Variants in TMPRSS15 observed in about 807,000 individuals in gnomAD.
The protein encoded by TMPRSS15 is enteropeptidase.
Under a neutral mutation model 125.3 loss-of-function variants are expected in TMPRSS15, and 128 were observed. The ratio of observed to expected loss-of-function variants is 1.02; its 90% CI spans 0.89 to 1.18. The LOEUF (loss-of-function observed/expected upper bound fraction) is 1.18. TMPRSS15 is among the 50% of genes most tolerant of loss of function. The pLI is 0.00. For synonymous variants in TMPRSS15, 446 were observed against 423.2 expected (o/e 1.05, Z -0.66); for missense variants, 1,283 against 1,212.7 (o/e 1.06, Z -0.86).
At chr21:18,348,036 A>G (rs980841565) in intron 10 of TMPRSS15, among the ~76,000 whole-genome samples, 2 of 152,116 alleles carry the variant, frequency 1.3e-5, no homozygotes, top group Admixed American at 6.6e-5. Flanking sequence ...ATTTAAAAAA[A>G]TTGCTGGGTG....
intron 1 of TMPRSS15, among the ~76,000 whole-genome samples, chr21:18,435,412 T>G (rs1012842130): frequency 3.9e-5 from 6 of 152,226 alleles, no homozygotes; most frequent in Non-Finnish European, 8.8e-5. Context: ...TCTTTGGTTC[T>G]GTTTATATGC....
intron 1 of TMPRSS15, chr21:18,460,483 C>T (rs1357703186): frequency 3.3e-5 from 5 of 152,134 alleles, no homozygotes; most frequent in African/African-American, 1.2e-4. Context: ...TTTATCTGTA[C>T]TGTGCAGTAA....
chr21:18,417,974 A>ACAAATGT (rs1265295854), intron 1 of TMPRSS15, among the ~76,000 whole-genome samples: 4 of 152,224 alleles, frequency 2.6e-5, no homozygotes, highest in African/African-American at 9.6e-5. Context: ...ATTTGTTCAA[A>ACAAATGT]AAAATGTAAA....
intron 21 of TMPRSS15, among the ~76,000 whole-genome samples, chr21:18,283,386 C>T (rs1446611944): frequency 6.6e-6 from 1 of 151,968 alleles, no homozygotes; most frequent in Non-Finnish European, 1.5e-5. Context: ...TCAACATTTA[C>T]CTCACACATT....
At chr21:18,456,171 G>A (rs151144657) in intron 1 of TMPRSS15, among the ~76,000 whole-genome samples, 14 of 152,162 alleles carry the variant, frequency 9.2e-5, no homozygotes, top group Middle Eastern at 6.8e-3. Context: ...ATTTTAAGGT[G>A]CCCACAAGGC....
At chr21:18,309,274 T>C (rs2075069353) in intron 18 of TMPRSS15, among the ~76,000 whole-genome samples, 1 of 152,124 alleles carries the variant, frequency 6.6e-6, no homozygotes, top group South Asian at 2.1e-4. Flanking sequence ...GATTAAAGAC[T>C]TAAACGTAAG....
intron 18 of TMPRSS15, among the ~76,000 whole-genome samples, chr21:18,306,668 G>GT (rs201107724): frequency 2.6e-5 from 4 of 151,676 alleles, no homozygotes; most frequent in Non-Finnish European, 4.4e-5. Context: ...CAGAAATGAT[G>GT]TTTTTTTCTA....
chr21:18,409,870 C>A (rs1181076342), intron 1 of TMPRSS15, among the ~76,000 whole-genome samples: 2 of 110,174 alleles, frequency 1.8e-5, no homozygotes, highest in Non-Finnish European at 3.8e-5. Flanking sequence ...CCCTCCCTCC[C>A]TCCCTTCCCT....
intron 16 of TMPRSS15, among the ~76,000 whole-genome samples, chr21:18,325,072 CCA>C (rs150514804): frequency 3.0e-4 from 44 of 149,136 alleles, no homozygotes; most frequent in East Asian, 9.7e-4. Context: ...TAAATTCTCG[CCA>C]CACACACACA....
intron 1 of TMPRSS15, among the ~76,000 whole-genome samples, chr21:18,409,395 A>G (rs2076159906): frequency 6.6e-6 from 1 of 151,954 alleles, no homozygotes; most frequent in South Asian, 2.1e-4. Context: ...TTAAAGCTTC[A>G]AATCTTTTTT....
intron 21 of TMPRSS15, among the ~76,000 whole-genome samples, chr21:18,293,958 G>T (rs1025931909): frequency 6.6e-6 from 1 of 152,014 alleles, no homozygotes. Context: ...CTAATTTCAC[G>T]CTCTTAAAAA....
chr21:18,270,414 T>C lies in TMPRSS15; in HGVS notation c.2905-290A>G, dbSNP rs562418961. Among the ~76,000 whole-genome samples, 47 of 152,294 alleles carry C rather than the reference T, an allele frequency of 3.1e-4. 1 individual carries two copies. Among genetic ancestry groups the C allele is most frequent in the Non-Finnish European group, 4.3e-4 (29 of 68,022 alleles). ...CATTTTGGTGGCTACTAAGAAGTTC[T>C]TTAAAGCACAACTATGAAAAGCATC... is the stretch of plus-strand genomic sequence containing the variant. On this transcript the variant is annotated intron_variant, in intron 24 of 24. Transcript: ENST00000284885.
intron 1 of TMPRSS15, among the ~76,000 whole-genome samples, chr21:18,427,765 A>G (rs1283934879): frequency 1.3e-5 from 2 of 152,306 alleles, no homozygotes; most frequent in African/African-American, 2.4e-5. Flanking sequence ...TGAATTTGGG[A>G]GTTTTTTAAA....
Position 18,359,836 on chromosome 21 carries a change from C to G in TMPRSS15, c.801G>C (p.Leu267=), listed in dbSNP as rs749234571. 2 of 1,530,142 alleles carry G rather than the reference C, an allele frequency of 1.3e-6. No homozygotes were observed. Among genetic ancestry groups the G allele is most frequent in the Non-Finnish European group, 1.8e-6 (2 of 1,106,004 alleles). 94.8% of individuals were successfully genotyped at this position (1,530,142 alleles called of 1,614,324 possible). A position where few individuals can be genotyped will look rare whatever the true frequency, so the allele number is the denominator to read the frequency against. The change falls in exon 8 of 25, where the codon CTG becomes CTC. Residue 267 remains leucine, a synonymous_variant. Transcript: ENST00000284885. ...IRVNQGLSIK[L]SFDDFNTYYT... ...AATATGTATTAAAATCATCGAAGCT[C>G]AGTTTAATGGAAAGTCCTTGGTTTA... is the stretch of plus-strand genomic sequence containing the variant.
chr21:18,447,119 G>A (rs2076257322), intron 1 of TMPRSS15, among the ~76,000 whole-genome samples: 1 of 151,910 alleles, frequency 6.6e-6, no homozygotes, highest in Admixed American at 6.6e-5. Context: ...TAAAATATGG[G>A]CAGAATATCT....
chr21:18,458,191 C>T (rs1483939307), intron 1 of TMPRSS15, among the ~76,000 whole-genome samples: 1 of 152,020 alleles, frequency 6.6e-6, no homozygotes, highest in Admixed American at 6.6e-5. Flanking sequence ...ACTCAGACGC[C>T]ATCTGGAAGG....
chr21:18,309,221 T>C (rs1296006965), intron 18 of TMPRSS15, among the ~76,000 whole-genome samples: 2 of 152,152 alleles, frequency 1.3e-5, no homozygotes, highest in African/African-American at 4.8e-5. Context: ...AAACTGAAAC[T>C]GGACCCCTTT....
chr21:18,343,794 G>A, intron 11 of TMPRSS15, 138 bp from the exon 12 acceptor site: 1 of 1,159,612 alleles, frequency 8.6e-7, no homozygotes, highest in Non-Finnish European at 1.3e-6. Flanking sequence ...GGGATGGGGA[G>A]AGGTGTCTAT....
chr21:18,293,538 A>C lies in TMPRSS15; in HGVS notation c.2486+732T>G, dbSNP rs572323394. On this transcript the variant is annotated intron_variant, in intron 21 of 24. Transcript: ENST00000284885. ...AATTCAGAACCATGTGACTATCTAG[A>C]GAGGTGGCATCTTTGATGTGGAAGA... Among the ~76,000 whole-genome samples the C allele has an allele frequency of 1.1e-3, 160 of 152,222 alleles. 1 individual carries two copies. Among genetic ancestry groups the C allele is most frequent in the African/African-American group, 3.6e-3 (151 of 41,538 alleles).
Sources: gnomAD v4.1 joint callset for allele counts (sites outside exome capture counted in the v4.1 genomes callset) on GRCh38, gnomAD v4.1.1 for gene constraint, MANE v1.5 for transcripts, NCBI Gene and HGNC (gene_info 2026-07-23, HGNC 2026-07-21) for gene names.